TSNARE1: variants seen among roughly 807,000 people sequenced by gnomAD.
TSNARE1 encodes t-SNARE domain-containing protein 1.
Under a neutral mutation model 62.0 loss-of-function variants are expected in TSNARE1, and 49 were observed. The ratio of observed to expected loss-of-function variants is 0.79; its 90% CI spans 0.63 to 1.00. TSNARE1 has a LOEUF of 1.00. TSNARE1 is among the 50% of genes least tolerant of loss of function. The probability of loss-of-function intolerance (pLI) is 0.00; values close to 1 mark genes in which losing one functional copy is unlikely to be tolerated. For missense variants in TSNARE1, 755 were observed against 700.1 expected, an observed-to-expected ratio of 1.08 and a Z score of -0.88; for synonymous variants, 328 against 294.4, an observed-to-expected ratio of 1.11 and a Z score of -1.17.
At chr8:142,397,519 T>C (rs1837976228) in intron 1 of TSNARE1, among the ~76,000 whole-genome samples, 1 of 152,172 alleles carries the variant, frequency 6.6e-6, no homozygotes, top group South Asian at 2.1e-4. Context: ...GGCAATGCTG[T>C]GTCCCTACCT....
chr8:142,248,856 G>A (rs1292605746), intron 12 of TSNARE1, among the ~76,000 whole-genome samples: 3 of 152,242 alleles, frequency 2.0e-5, no homozygotes, highest in Admixed American at 6.5e-5. Context: ...AGTCACGGAT[G>A]GTTCTCGGGA....
intron 1 of TSNARE1, among the ~76,000 whole-genome samples, chr8:142,389,195 T>C (rs1418830605): frequency 6.6e-6 from 1 of 152,202 alleles, no homozygotes; most frequent in Non-Finnish European, 1.5e-5. Context: ...ACTGCTTCTC[T>C]AGATACAGAA....
chr8:142,290,550 A>G (rs975116958), intron 10 of TSNARE1, among the ~76,000 whole-genome samples: 4 of 152,230 alleles, frequency 2.6e-5, no homozygotes, highest in African/African-American at 9.6e-5. Context: ...AAGTCAAAAC[A>G]TCACTGCATT....
intron 6 of TSNARE1, 23 bp from the exon 7 acceptor site, chr8:142,318,657 G>A (rs770261114): frequency 1.2e-6 from 2 of 1,612,896 alleles, no homozygotes; most frequent in Middle Eastern, 1.7e-4. Context: ...AAGGAGCCAG[G>A]AGCGAAGGCA....
At chr8:142,392,896 C>T (rs1018470706) in intron 1 of TSNARE1, among the ~76,000 whole-genome samples, 9 of 150,496 alleles carry the variant, frequency 6.0e-5, no homozygotes, top group Admixed American at 2.0e-4. Context: ...GCCGAGATTG[C>T]ACCACTGCAC....
At chr8:142,381,050 C>A (rs1303619344) in intron 1 of TSNARE1, among the ~76,000 whole-genome samples, 1 of 152,260 alleles carries the variant, frequency 6.6e-6, no homozygotes, top group Non-Finnish European at 1.5e-5. Context: ...AGACTCAAAG[C>A]AGGCACACAG....
At chr8:142,355,015 C>T (rs1293956109) in intron 1 of TSNARE1, among the ~76,000 whole-genome samples, 1 of 152,062 alleles carries the variant, frequency 6.6e-6, no homozygotes, top group Non-Finnish European at 1.5e-5. Flanking sequence ...AAGGTGTGCC[C>T]CCTCCCCTCC....
chr8:142,223,094 C>CCACT (rs1317267237), intron 13 of TSNARE1, among the ~76,000 whole-genome samples: 1 of 16,404 alleles, frequency 6.1e-5, no homozygotes, highest in Non-Finnish European at 1.6e-4. Flanking sequence ...ACTCATTCAT[C>CCACT]CACTCATTCA....
At chr8:142,212,779 TC>T (rs1815619207) in intron 13 of TSNARE1, among the ~76,000 whole-genome samples, 1 of 92,806 alleles carries the variant, frequency 1.1e-5, no homozygotes, top group African/African-American at 4.5e-5. Flanking sequence ...CCCCTCCCTC[TC>T]CCCTCCTCCT....
intron 12 of TSNARE1, among the ~76,000 whole-genome samples, chr8:142,249,017 C>G (rs890093932): frequency 6.6e-6 from 1 of 152,348 alleles, no homozygotes; most frequent in Admixed American, 6.5e-5. Flanking sequence ...ATCCACCTCT[C>G]AAAGCCTGAG....
chr8:142,277,457 G>A, intron 11 of TSNARE1: 3 of 985,448 alleles, frequency 3.0e-6, no homozygotes, highest in Non-Finnish European at 3.6e-6. Flanking sequence ...TGCAGGCCTG[G>A]CCCTGCCCAA....
chr8:142,298,806 A>C (rs922985640), intron 10 of TSNARE1, among the ~76,000 whole-genome samples: 2 of 152,174 alleles, frequency 1.3e-5, no homozygotes, highest in African/African-American at 2.4e-5. Flanking sequence ...ATTCCAGCAC[A>C]AAGGGGAAGC....
intron 4 of TSNARE1, among the ~76,000 whole-genome samples, chr8:142,332,088 TG>T (rs1225572808): frequency 2.0e-5 from 3 of 152,208 alleles, no homozygotes; most frequent in Non-Finnish European, 4.4e-5. Flanking sequence ...GGCAGCACCC[TG>T]AGTTTCCATA....
chr8:142,217,303 AAAAGAAAGAAAGAAAG>A (rs140047050), intron 13 of TSNARE1, among the ~76,000 whole-genome samples: 3,040 of 126,696 alleles, frequency 0.024, 57 homozygotes, highest in Non-Finnish European at 0.027. Context: ...GAAAGAAAGA[AAAAGAAAGAAAGAAAG>A]AAAGAAAGAA....
At chr8:142,352,313 C>T (rs533624744) in intron 2 of TSNARE1, among the ~76,000 whole-genome samples, 1 of 152,382 alleles carries the variant, frequency 6.6e-6, no homozygotes, top group Admixed American at 6.5e-5. Flanking sequence ...AGAGAAACAT[C>T]CTTCCAACCA....
chr8:142,275,284 C>T (rs1048699026), intron 11 of TSNARE1: 21 of 985,332 alleles, frequency 2.1e-5, no homozygotes, highest in African/African-American at 7.0e-5. Context: ...AGTTGCGACG[C>T]GGCTGATGGA....
At chr8:142,309,354 C>CT (rs1827221462) in intron 9 of TSNARE1, among the ~76,000 whole-genome samples, 1 of 152,156 alleles carries the variant, frequency 6.6e-6, no homozygotes, top group Admixed American at 6.5e-5. Flanking sequence ...GGAGAAAAGA[C>CT]TTTAACATCC....
intron 2 of TSNARE1, among the ~76,000 whole-genome samples, chr8:142,352,911 G>A (rs769643401): frequency 7.2e-5 from 11 of 152,160 alleles, no homozygotes; most frequent in South Asian, 2.1e-4. Flanking sequence ...CCACGCACAC[G>A]TGTGCACATG....
At chr8:142,225,130 C>CG (rs1453949057) in intron 13 of TSNARE1, among the ~76,000 whole-genome samples, 2 of 152,068 alleles carry the variant, frequency 1.3e-5, no homozygotes, top group African/African-American at 4.8e-5. Context: ...TGCTGTCAGC[C>CG]CCCGATGGTT....
Sources: gnomAD v4.1 joint callset for allele counts (sites outside exome capture counted in the v4.1 genomes callset) on GRCh38, gnomAD v4.1.1 for gene constraint, MANE v1.5 for transcripts, NCBI Gene and HGNC (gene_info 2026-07-23, HGNC 2026-07-21) for gene names.